The following SUGCT variants were observed in gnomAD, a reference collection of about 807,000 sequenced individuals.
SUGCT encodes succinyl-CoA:glutarate-CoA transferase.
SUGCT carries 41 observed loss-of-function variants against 55.0 expected under a neutral mutation model. That is an observed-to-expected ratio of 0.74 (90% CI 0.58 to 0.97). The LOEUF (loss-of-function observed/expected upper bound fraction) is 0.97. SUGCT is among the 50% of genes least tolerant of loss of function. The pLI, the probability that SUGCT is intolerant of heterozygous loss-of-function variation, is 0.00. For synonymous variants in SUGCT, 187 were observed against 200.4 expected (o/e 0.93, Z 0.56); for missense variants, 568 against 547.8 (o/e 1.04, Z -0.37).
intron 12 of SUGCT, among the ~76,000 whole-genome samples, chr7:40,686,669 T>C (rs1410121851): frequency 6.6e-6 from 1 of 152,154 alleles, no homozygotes; most frequent in Non-Finnish European, 1.5e-5. Flanking sequence ...GTCTGTTCAG[T>C]TCTCTAGAGG....
At chr7:41,003,942 G>A in the SUGCT span, among the ~76,000 whole-genome samples, 2 of 152,190 alleles carry the variant, frequency 1.3e-5, no homozygotes, top group South Asian at 2.1e-4. Context: ...ATGGCTCTAC[G>A]ATATTCTGGA....
chr7:40,523,911 T>A (rs1265766336), intron 12 of SUGCT, among the ~76,000 whole-genome samples: 1 of 152,104 alleles, frequency 6.6e-6, no homozygotes, highest in Admixed American at 6.6e-5. Context: ...TTAAAACAAA[T>A]GTTCTTGCTG....
At chr7:40,684,313 G>C (rs1480947463) in intron 12 of SUGCT, among the ~76,000 whole-genome samples, 1 of 152,216 alleles carries the variant, frequency 6.6e-6, no homozygotes, top group African/African-American at 2.4e-5. Context: ...CTCTGCCATA[G>C]TCATGGTGTT....
intron 8 of SUGCT, among the ~76,000 whole-genome samples, chr7:40,313,559 A>G (rs149111125): frequency 4.9e-4 from 74 of 152,308 alleles, no homozygotes; most frequent in African/African-American, 1.6e-3. Context: ...CTTAAAAAAT[A>G]GAATTCTTTT....
intron 13 of SUGCT, among the ~76,000 whole-genome samples, chr7:40,859,231 G>T (rs188964932): frequency 2.6e-4 from 39 of 152,322 alleles, no homozygotes; most frequent in Non-Finnish European, 4.6e-4. Flanking sequence ...GGTAAAATTA[G>T]TTGAAACAAC....
At chr7:40,929,865 T>C in the SUGCT span, among the ~76,000 whole-genome samples, 1 of 152,222 alleles carries the variant, frequency 6.6e-6, no homozygotes, top group Non-Finnish European at 1.5e-5. Flanking sequence ...TCCCATTCTG[T>C]AGGTTGCCTA....
chr7:40,234,248 A>C (rs1788882716), intron 6 of SUGCT, among the ~76,000 whole-genome samples: 1 of 152,200 alleles, frequency 6.6e-6, no homozygotes, highest in South Asian at 2.1e-4. Flanking sequence ...CTTCCTGCTG[A>C]GATAACAGGT....
intron 12 of SUGCT, among the ~76,000 whole-genome samples, chr7:40,625,552 C>A (rs1799487838): frequency 6.6e-6 from 1 of 152,084 alleles, no homozygotes. Flanking sequence ...GTCTTCATTT[C>A]TTCAGTGAGG....
At chr7:40,653,223 T>C (rs1800863888) in intron 12 of SUGCT, among the ~76,000 whole-genome samples, 1 of 152,214 alleles carries the variant, frequency 6.6e-6, no homozygotes, top group African/African-American at 2.4e-5. Flanking sequence ...GTCTAGCACC[T>C]GGCATATATT....
At chr7:40,164,510 A>T (rs1784330946) in intron 1 of SUGCT, among the ~76,000 whole-genome samples, 1 of 152,058 alleles carries the variant, frequency 6.6e-6, no homozygotes. Flanking sequence ...GTGTCTCTGT[A>T]TTTACTTTAT....
At chr7:40,973,031 C>G in the SUGCT span, among the ~76,000 whole-genome samples, 1 of 152,310 alleles carries the variant, frequency 6.6e-6, no homozygotes, top group African/African-American at 2.4e-5. Flanking sequence ...AGATATGTCT[C>G]ATTTGTATTA....
chr7:40,878,225 C>T, the SUGCT span, among the ~76,000 whole-genome samples: 2 of 152,138 alleles, frequency 1.3e-5, no homozygotes, highest in Non-Finnish European at 2.9e-5. Flanking sequence ...GTTTCAGTAT[C>T]TCTGAGAATG....
intron 1 of SUGCT, among the ~76,000 whole-genome samples, chr7:40,165,999 G>A (rs906790385): frequency 1.3e-5 from 2 of 152,218 alleles, no homozygotes; most frequent in African/African-American, 2.4e-5. Flanking sequence ...GCACACGCCT[G>A]TAATCCCAGC....
intron 11 of SUGCT, among the ~76,000 whole-genome samples, chr7:40,465,145 G>T (rs1293641714): frequency 1.3e-5 from 2 of 152,132 alleles, no homozygotes; most frequent in Non-Finnish European, 2.9e-5. Context: ...AAAATAAATA[G>T]TTTTGGTTTG....
At chr7:40,867,308 A>C in the SUGCT span, among the ~76,000 whole-genome samples, 1 of 146,170 alleles carries the variant, frequency 6.8e-6, no homozygotes, top group African/African-American at 2.4e-5. Flanking sequence ...AACATTTTCA[A>C]ATATTGGAGC....
chr7:40,611,586 A>G (rs879665338), intron 12 of SUGCT, among the ~76,000 whole-genome samples: 2 of 152,178 alleles, frequency 1.3e-5, no homozygotes, highest in Admixed American at 1.3e-4. Context: ...CTCTCACAAG[A>G]TATACTGAGT....
chr7:40,160,690 A>C (rs1784101866), intron 1 of SUGCT, among the ~76,000 whole-genome samples: 1 of 152,206 alleles, frequency 6.6e-6, no homozygotes, highest in African/African-American at 2.4e-5. Context: ...GTGCATGTAG[A>C]AATATGGACC....
chr7:40,157,012 C>CA (rs3046489), intron 1 of SUGCT, among the ~76,000 whole-genome samples: 13,056 of 116,756 alleles, frequency 0.11, 2,302 homozygotes, highest in African/African-American at 0.37. Flanking sequence ...AAGACTGTCT[C>CA]AAAAAAAAAA....
chr7:40,592,221 A>G (rs1309124437), intron 12 of SUGCT, among the ~76,000 whole-genome samples: 1 of 152,192 alleles, frequency 6.6e-6, no homozygotes, highest in Non-Finnish European at 1.5e-5. Context: ...CATCATAATT[A>G]TGGGCCGTCC....
Sources: gnomAD v4.1 joint callset for allele counts (sites outside exome capture counted in the v4.1 genomes callset) on GRCh38, gnomAD v4.1.1 for gene constraint, MANE v1.5 for transcripts, NCBI Gene and HGNC (gene_info 2026-07-23, HGNC 2026-07-21) for gene names.